The following TMEM132D variants were observed in gnomAD, a reference collection of about 807,000 sequenced individuals.
The protein encoded by TMEM132D is transmembrane protein 132D, also known as mature OL transmembrane protein.
In TMEM132D, 21 loss-of-function variants were observed where a neutral mutation model predicts 62.3. That is an observed-to-expected ratio of 0.34 (90% CI 0.24 to 0.49). The LOEUF is 0.49. Among genes scored for constraint, TMEM132D ranks in the 20% least tolerant of loss-of-function variants. TMEM132D has a pLI of 0.99. For missense variants in TMEM132D, 1,346 were observed against 1,402.8 expected (o/e 0.96, Z 0.65); for synonymous variants, 621 against 575.6 (o/e 1.08, Z -1.13).
intron 2 of TMEM132D, among the ~76,000 whole-genome samples, chr12:129,637,629 C>T (rs1396645714): frequency 6.6e-6 from 1 of 152,144 alleles, no homozygotes. Context: ...GCCATGCTTC[C>T]TGTAAAGCCT....
At chr12:129,406,928 G>A (rs890514183) in intron 3 of TMEM132D, among the ~76,000 whole-genome samples, 1 of 152,174 alleles carries the variant, frequency 6.6e-6, no homozygotes, top group African/African-American at 2.4e-5. Context: ...GTATCTGCCT[G>A]CTTCCAATCC....
chr12:129,078,851 C>G, intron 7 of TMEM132D, 126 bp from the exon 8 acceptor site: 2 of 893,486 alleles, frequency 2.2e-6, no homozygotes, highest in Non-Finnish European at 1.7e-6. Context: ...TGAATGAGAA[C>G]AGGCCTTTCC....
chr12:129,778,199 C>A (rs1289812855), intron 1 of TMEM132D, among the ~76,000 whole-genome samples: 2 of 132,258 alleles, frequency 1.5e-5, no homozygotes, highest in Admixed American at 1.5e-4. Flanking sequence ...AAAAAAAAAA[C>A]ACAAATATTT....
chr12:129,433,099 C>T (rs12314149), intron 3 of TMEM132D, among the ~76,000 whole-genome samples: 5,116 of 152,302 alleles, frequency 0.034, 118 homozygotes, highest in African/African-American at 0.05. Flanking sequence ...ATTCCCATCA[C>T]TTACACTTCA....
intron 5 of TMEM132D, among the ~76,000 whole-genome samples, chr12:129,171,878 G>A (rs1877745696): frequency 1.3e-5 from 2 of 152,174 alleles, no homozygotes; most frequent in Non-Finnish European, 2.9e-5. Flanking sequence ...ACTCTTAAGG[G>A]CCCTAGGATT....
At chr12:129,495,568 A>G (rs576401791) in intron 3 of TMEM132D, among the ~76,000 whole-genome samples, 7 of 152,196 alleles carry the variant, frequency 4.6e-5, no homozygotes, top group Non-Finnish European at 8.8e-5. Flanking sequence ...GCCCACCAGC[A>G]GGTACAGAGA....
chr12:129,863,559 C>T (rs939216179), intron 1 of TMEM132D, among the ~76,000 whole-genome samples: 2 of 152,130 alleles, frequency 1.3e-5, no homozygotes, highest in African/African-American at 4.8e-5. Flanking sequence ...TAAAATCTCC[C>T]ATTCAAGCAA....
intron 3 of TMEM132D, among the ~76,000 whole-genome samples, chr12:129,461,934 GTTAT>G (rs1347392625): frequency 2.0e-5 from 3 of 152,092 alleles, no homozygotes; most frequent in Non-Finnish European, 4.4e-5. Flanking sequence ...TTCCACAAAG[GTTAT>G]CTCCTTTGAT....
chr12:129,144,528 G>T (rs143236815), intron 5 of TMEM132D, among the ~76,000 whole-genome samples: 78 of 152,242 alleles, frequency 5.1e-4, no homozygotes, highest in African/African-American at 1.6e-3. Context: ...AGCTTAGACA[G>T]CCCTAGCTTA....
intron 3 of TMEM132D, among the ~76,000 whole-genome samples, chr12:129,340,881 G>C (rs920355886): frequency 2.0e-5 from 3 of 152,202 alleles, no homozygotes; most frequent in African/African-American, 7.2e-5. Context: ...GTTGTACCTT[G>C]AGCTTGTGGG....
intron 4 of TMEM132D, among the ~76,000 whole-genome samples, chr12:129,297,344 T>A (rs1252295894): frequency 6.6e-6 from 1 of 152,176 alleles, no homozygotes; most frequent in Non-Finnish European, 1.5e-5. Flanking sequence ...GGCCTCACAG[T>A]GGGTTCAAGG....
intron 5 of TMEM132D, among the ~76,000 whole-genome samples, chr12:129,154,564 A>C (rs1019478939): frequency 6.6e-6 from 1 of 152,194 alleles, no homozygotes; most frequent in Non-Finnish European, 1.5e-5. Context: ...TAAATTTGTA[A>C]ATAAGATGTA....
intron 1 of TMEM132D, among the ~76,000 whole-genome samples, chr12:129,766,157 A>G (rs1593153486): frequency 6.6e-6 from 1 of 151,628 alleles, no homozygotes; most frequent in African/African-American, 2.4e-5. Context: ...CTGGACCCCT[A>G]CTGACTGCCA....
intron 5 of TMEM132D, among the ~76,000 whole-genome samples, chr12:129,182,160 G>C (rs187225947): frequency 6.6e-6 from 1 of 152,076 alleles, no homozygotes; most frequent in South Asian, 2.1e-4. Context: ...TCAGGAGTTC[G>C]AGACCAGCCT....
At chr12:129,309,303 T>A (rs1011405330) in intron 4 of TMEM132D, among the ~76,000 whole-genome samples, 1 of 152,212 alleles carries the variant, frequency 6.6e-6, no homozygotes, top group Admixed American at 6.5e-5. Context: ...TTTGTTGTTG[T>A]TGTTAAATGC....
chr12:129,253,242 A>G (rs1427637953), intron 4 of TMEM132D, among the ~76,000 whole-genome samples: 3 of 114,468 alleles, frequency 2.6e-5, no homozygotes, highest in Non-Finnish European at 6.4e-5. Flanking sequence ...TGATAATTGA[A>G]AAAAAAAAAG....
At chr12:129,258,713 T>C (rs1880474489) in intron 4 of TMEM132D, among the ~76,000 whole-genome samples, 2 of 152,252 alleles carry the variant, frequency 1.3e-5, no homozygotes, top group Non-Finnish European at 2.9e-5. Flanking sequence ...TATCATTGTG[T>C]ACCAAGCACG....
chr12:129,734,213 T>C (rs1038384676), intron 1 of TMEM132D, among the ~76,000 whole-genome samples: 5 of 152,188 alleles, frequency 3.3e-5, no homozygotes, highest in Non-Finnish European at 7.3e-5. Context: ...TCTGTCCTGG[T>C]ATTTGACCTA....
chr12:129,220,596 G>A (rs1182607323), intron 4 of TMEM132D, among the ~76,000 whole-genome samples: 1 of 152,178 alleles, frequency 6.6e-6, no homozygotes, highest in African/African-American at 2.4e-5. Context: ...TTCTCCTGAT[G>A]TTATAGTACA....
Sources: gnomAD v4.1 joint callset for allele counts (sites outside exome capture counted in the v4.1 genomes callset) on GRCh38, gnomAD v4.1.1 for gene constraint, MANE v1.5 for transcripts, NCBI Gene and HGNC (gene_info 2026-07-23, HGNC 2026-07-21) for gene names.